Variants in EIF4G3 observed in about 807,000 individuals in gnomAD.
EIF4G3 encodes eukaryotic translation initiation factor 4 gamma 3, also known as eIF-4-gamma 3.
Under a neutral mutation model 186.4 loss-of-function variants are expected in EIF4G3, and 34 were observed. The observed-to-expected ratio is 0.18, with a 90% CI of 0.14 to 0.24. The LOEUF (loss-of-function observed/expected upper bound fraction) is 0.24. Among genes scored for constraint, EIF4G3 ranks in the 10% least tolerant of loss-of-function variants. The pLI is 1.00. For missense variants in EIF4G3, 1,536 were observed against 1,948.5 expected (o/e 0.79, Z 3.99); for synonymous variants, 673 against 679.5 (o/e 0.99, Z 0.15).
intron 3 of EIF4G3, among the ~76,000 whole-genome samples, chr1:21,071,578 GATCCCA>G (rs2095441276): frequency 6.6e-6 from 1 of 152,052 alleles, no homozygotes; most frequent in South Asian, 2.1e-4. Context: ...TCACGCCTGT[GATCCCA>G]GCACTTTGGG....
intron 3 of EIF4G3, among the ~76,000 whole-genome samples, chr1:21,063,485 T>C (rs1318919292): frequency 6.6e-6 from 1 of 152,082 alleles, no homozygotes; most frequent in Admixed American, 6.6e-5. Context: ...AACAAGTAAA[T>C]ACATTCTTAA....
At position 20,971,756 on chromosome 1, in the gene EIF4G3, C is replaced by T. The variant is rs2075934830; in HGVS notation, c.591+1246G>A. Among the ~76,000 whole-genome samples, 3 of 152,312 alleles carry T rather than the reference C, an allele frequency of 2.0e-5. 1 individual carries two copies. In the South Asian group the frequency reaches 6.2e-4, roughly 32 times the overall value. On this transcript the variant is annotated intron_variant, in intron 11 of 36. Transcript: ENST00000602326. ...TCAAGTGATTCTCGTGCCTCAGCCT[C>T]CCGAGTAGCTGGAATTATAGGCACG...
intron 12 of EIF4G3, among the ~76,000 whole-genome samples, chr1:20,954,252 C>G (rs1325181035): frequency 6.6e-6 from 1 of 151,996 alleles, no homozygotes; most frequent in East Asian, 1.9e-4. Flanking sequence ...AGAAGCAAAA[C>G]AAAGGCCAGG....
chr1:20,963,259 T>C (rs1428843253), intron 12 of EIF4G3, among the ~76,000 whole-genome samples: 1 of 152,202 alleles, frequency 6.6e-6, no homozygotes. Flanking sequence ...TTTGATAATT[T>C]TAGGCAATAT....
intron 2 of EIF4G3, among the ~76,000 whole-genome samples, chr1:21,111,159 T>C (rs1426491531): frequency 2.0e-5 from 3 of 152,238 alleles, no homozygotes; most frequent in Non-Finnish European, 4.4e-5. Flanking sequence ...TGTCACTGAA[T>C]GTAAACACAG....
chr1:20,842,796 C>T (rs183607224), intron 29 of EIF4G3, among the ~76,000 whole-genome samples: 3 of 151,778 alleles, frequency 2.0e-5, no homozygotes, highest in African/African-American at 7.2e-5. Flanking sequence ...ACTTCCAGAA[C>T]GTTGCTTCTG....
At chr1:21,036,337 C>T (rs895512938) in intron 4 of EIF4G3, among the ~76,000 whole-genome samples, 5 of 152,172 alleles carry the variant, frequency 3.3e-5, no homozygotes, top group Non-Finnish European at 7.4e-5. Flanking sequence ...TCATCTTGTA[C>T]ACTCTACACT....
chr1:20,883,042 ACTGAACTTT>A (rs1465322666), intron 19 of EIF4G3, among the ~76,000 whole-genome samples: 1 of 151,918 alleles, frequency 6.6e-6, no homozygotes, highest in East Asian at 1.9e-4. Flanking sequence ...TGACAGAGCC[ACTGAACTTT>A]AACCTTGGTG....
chr1:20,815,932 TCAGCCCCCCGCCTGGC>T (rs2060639846), intron 34 of EIF4G3, among the ~76,000 whole-genome samples: 4 of 78,220 alleles, frequency 5.1e-5, no homozygotes, highest in African/African-American at 2.0e-4. Flanking sequence ...GGTGGGGGGA[TCAGCCCCCCGCCTGGC>T]CAGCCGCCCC....
chr1:20,997,614 G>GGT lies in EIF4G3; in HGVS notation c.162_163dup (p.Pro55HisfsTer52). 1 of 1,546,458 alleles carries GGT rather than the reference G, an allele frequency of 6.5e-7. No homozygotes were observed. The highest frequency in any genetic ancestry group is 8.7e-7 in the Non-Finnish European group (1 of 1,145,214). ...AGGGTACAGTACCTGATGATGGGGA[G>GGT]GTCGAGGCCCCGCTGCAAACTGAGA... On this transcript the variant is annotated frameshift_variant, in exon 7 of 37. Coordinates refer to ENST00000602326, the MANE Select transcript of EIF4G3 (RefSeq NM_001391906.1). LOFTEE classifies it high-confidence loss of function.
At chr1:21,036,287 G>C (rs528630196) in intron 4 of EIF4G3, among the ~76,000 whole-genome samples, 4 of 152,230 alleles carry the variant, frequency 2.6e-5, no homozygotes, top group African/African-American at 4.8e-5. Flanking sequence ...CCCACTGCAG[G>C]TCTCCTCTGA....
intron 2 of EIF4G3, among the ~76,000 whole-genome samples, chr1:21,090,613 G>A (rs1234401027): frequency 6.6e-6 from 1 of 152,154 alleles, no homozygotes; most frequent in African/African-American, 2.4e-5. Context: ...TTAAAAGGTG[G>A]ATTTGCACAA....
rs778862399 is a variant in EIF4G3 at position 21,051,018 on chromosome 1, A to G, written c.-195-24T>C. On this transcript the variant is annotated intron_variant, in intron 3 of 36. Transcript: ENST00000602326. ...ACCTGTGAGGAAATCAATATTTAGT[A>G]AGAACATTATATTAGTAAATCAATC... 6 of 716,868 alleles carry G rather than the reference A, an allele frequency of 8.4e-6. No homozygotes were observed. The Admixed American group carries it at 1.0e-4, about 12-fold the overall frequency. 44.4% of individuals were successfully genotyped at this position (716,868 alleles called of 1,614,324 possible). A position where few individuals can be genotyped will look rare whatever the true frequency, so the allele number is the denominator to read the frequency against.
rs138028238 is a variant in EIF4G3 at position 20,967,001 on chromosome 1, CTAT to C, written c.714+2470_714+2472del. ...CCCAAAAAGAACTACCAAATTACTA[CTAT>C]TGACTGATGGCCTTCATCTGTTGAA... is the stretch of plus-strand genomic sequence containing the variant. On this transcript the variant is annotated intron_variant, in intron 12 of 36. Coordinates refer to ENST00000602326, the MANE Select transcript of EIF4G3 (RefSeq NM_001391906.1). 5.6e-3 allele frequency among the ~76,000 whole-genome samples: 855 copies of C among 152,310 alleles called. 3 individuals are homozygous for C. The highest frequency in any genetic ancestry group is 9.6e-3 in the Non-Finnish European group (656 of 68,024).
intron 3 of EIF4G3, chr1:21,064,710 T>C (rs900001858): frequency 6.6e-6 from 1 of 152,156 alleles, no homozygotes; most frequent in Non-Finnish European, 1.5e-5. Context: ...TTAGTAAAAC[T>C]ACACAAAATT....
At chr1:21,065,478 G>A (rs939369227) in intron 3 of EIF4G3, among the ~76,000 whole-genome samples, 1 of 150,760 alleles carries the variant, frequency 6.6e-6, no homozygotes, top group African/African-American at 2.4e-5. Context: ...GAAGGATTAA[G>A]CCCAGAAGTT....
At chr1:21,024,696 G>A (rs1192467547) in intron 4 of EIF4G3, among the ~76,000 whole-genome samples, 2 of 150,198 alleles carry the variant, frequency 1.3e-5, no homozygotes, top group East Asian at 3.9e-4. Flanking sequence ...AAGGCAGCAT[G>A]CTCGTTAAGA....
chr1:21,133,492 T>G (rs1164067728), intron 2 of EIF4G3, among the ~76,000 whole-genome samples: 1 of 152,230 alleles, frequency 6.6e-6, no homozygotes, highest in Non-Finnish European at 1.5e-5. Context: ...CCCAAAGTGC[T>G]GGGATTACAG....
chr1:20,980,998 G>A, intron 9 of EIF4G3, 50 bp downstream of exon 9: 1 of 1,405,154 alleles, frequency 7.1e-7, no homozygotes, highest in South Asian at 1.8e-5. Context: ...GTGAATCCGG[G>A]TTAATTTCCA....
Sources: allele counts gnomAD v4.1 joint callset (sites outside exome capture counted in the v4.1 genomes callset), GRCh38; gene constraint gnomAD v4.1.1; transcripts MANE v1.5; gene names NCBI Gene and HGNC (gene_info 2026-07-23, HGNC 2026-07-21).